Variants in ANK3 observed in about 807,000 individuals in gnomAD.
ANK3 encodes ankyrin 3.
A neutral mutation model predicts 370.9 loss-of-function variants in ANK3; 57 were observed. That is an observed-to-expected ratio of 0.15 (90% CI 0.12 to 0.19). ANK3 has a LOEUF of 0.19. Ranked by LOEUF, ANK3 falls within the 10% of genes least tolerant of loss-of-function variation. The pLI is 1.00. For missense variants in ANK3, 4,439 were observed against 5,302.1 expected (o/e 0.84, Z 5.06); for synonymous variants, 1,929 against 1,946.3 (o/e 0.99, Z 0.23).
chr10:60,289,256 T>G (rs1046790432), intron 1 of ANK3, among the ~76,000 whole-genome samples: 1 of 145,360 alleles, frequency 6.9e-6, no homozygotes, highest in Non-Finnish European at 1.5e-5. Context: ...TTTTCATCTA[T>G]GCCCTGCCTT....
At chr10:60,046,466 A>G (rs2076984896) in intron 42 of ANK3, among the ~76,000 whole-genome samples, 1 of 152,196 alleles carries the variant, frequency 6.6e-6, no homozygotes, top group African/African-American at 2.4e-5. Flanking sequence ...AAAAGATGTC[A>G]GTTAATTTTT....
intron 1 of ANK3, among the ~76,000 whole-genome samples, chr10:60,311,937 C>T (rs1477220496): frequency 6.6e-6 from 1 of 152,146 alleles, no homozygotes; most frequent in Non-Finnish European, 1.5e-5. Context: ...TAGTTTGTTT[C>T]CTACTTGCCT....
At chr10:60,157,792 A>G (rs1338227204) in intron 23 of ANK3, among the ~76,000 whole-genome samples, 1 of 151,824 alleles carries the variant, frequency 6.6e-6, no homozygotes, top group African/African-American at 2.4e-5. Flanking sequence ...AAAAGGAATG[A>G]TGCATACCTA....
chr10:60,381,528 C>T (rs1309085121), intron 1 of ANK3, among the ~76,000 whole-genome samples: 1 of 152,176 alleles, frequency 6.6e-6, no homozygotes, highest in Non-Finnish European at 1.5e-5. Flanking sequence ...CTTAGTAAAA[C>T]TTCATTCACT....
chr10:60,383,888 C>G (rs2061887278), intron 1 of ANK3, among the ~76,000 whole-genome samples: 1 of 151,396 alleles, frequency 6.6e-6, no homozygotes. Context: ...GCTTCAATAG[C>G]AAGAAATAAC....
chr10:60,141,561 GTTTT>G (rs36033791), intron 23 of ANK3, among the ~76,000 whole-genome samples: 5 of 49,032 alleles, frequency 1.0e-4, no homozygotes, highest in African/African-American at 1.9e-4. Context: ...TTCAATTGCT[GTTTT>G]TTTTTTTTTT....
intron 6 of ANK3, 57 bp downstream of exon 6, chr10:60,263,777 AG>A: frequency 6.3e-7 from 1 of 1,599,166 alleles, no homozygotes; most frequent in Non-Finnish European, 8.6e-7. Context: ...GTGCTCTTAA[AG>A]GTTGTGTGTC....
intron 1 of ANK3, among the ~76,000 whole-genome samples, chr10:60,628,745 A>T (rs764915136): frequency 5.0e-4 from 76 of 152,168 alleles, no homozygotes; most frequent in Non-Finnish European, 7.5e-4. Context: ...ACTCATGTTT[A>T]AAAAAAATCG....
At chr10:60,705,922 A>G (rs1036155585) in intron 1 of ANK3, among the ~76,000 whole-genome samples, 1 of 150,064 alleles carries the variant, frequency 6.7e-6, no homozygotes. Flanking sequence ...ACCCAGGCTC[A>G]GATGATCCTC....
intron 24 of ANK3, among the ~76,000 whole-genome samples, chr10:60,137,999 T>G (rs1213535412): frequency 6.6e-6 from 1 of 152,180 alleles, no homozygotes; most frequent in African/African-American, 2.4e-5. Context: ...CTTTAAGGCC[T>G]TTTATAAATG....
chr10:60,509,722 C>A (rs1335167542), intron 2 of ANK3, among the ~76,000 whole-genome samples: 1 of 152,086 alleles, frequency 6.6e-6, no homozygotes, highest in Non-Finnish European at 1.5e-5. Flanking sequence ...TCCCTTAGAA[C>A]AAACTATTAA....
intron 2 of ANK3, among the ~76,000 whole-genome samples, chr10:60,578,067 T>G (rs1484287466): frequency 6.6e-6 from 1 of 152,216 alleles, no homozygotes; most frequent in Non-Finnish European, 1.5e-5. Flanking sequence ...GACAGTATGG[T>G]TTTGATACAC....
At chr10:60,432,256 ATCTT>A (rs2064043697) in intron 2 of ANK3, among the ~76,000 whole-genome samples, 1 of 152,146 alleles carries the variant, frequency 6.6e-6, no homozygotes, top group Non-Finnish European at 1.5e-5. Context: ...AACCAGCTGG[ATCTT>A]TCTTTTCTTT....
At chr10:60,341,186 T>A (rs1409764952) in intron 1 of ANK3, among the ~76,000 whole-genome samples, 1 of 152,168 alleles carries the variant, frequency 6.6e-6, no homozygotes, top group East Asian at 1.9e-4. Context: ...TTGTTATTAC[T>A]AAGCATCTGG....
At chr10:60,440,039 G>A (rs2064260312) in intron 2 of ANK3, among the ~76,000 whole-genome samples, 1 of 152,148 alleles carries the variant, frequency 6.6e-6, no homozygotes, top group Non-Finnish European at 1.5e-5. Context: ...GTGCCCCCAG[G>A]AACCTTCCAT....
chr10:60,664,701 C>T (rs10509135), intron 1 of ANK3, among the ~76,000 whole-genome samples: 6,231 of 152,170 alleles, frequency 0.041, 162 homozygotes, highest in Middle Eastern at 0.075. Context: ...TAACAATGAC[C>T]TCCATTAAAT....
chr10:60,089,551 T>A (rs1211236028), intron 28 of ANK3, among the ~76,000 whole-genome samples: 1 of 151,732 alleles, frequency 6.6e-6, no homozygotes, highest in African/African-American at 2.4e-5. Flanking sequence ...ATAATTCTGG[T>A]GGGCTTCATT....
intron 2 of ANK3, among the ~76,000 whole-genome samples, chr10:60,462,121 A>G (rs1342702707): frequency 6.6e-6 from 1 of 152,186 alleles, no homozygotes. Flanking sequence ...GGCAGAAATC[A>G]GTGCTTTTCC....
chr10:60,708,765 C>T (rs1229150602), intron 1 of ANK3, among the ~76,000 whole-genome samples: 1 of 152,140 alleles, frequency 6.6e-6, no homozygotes, highest in African/African-American at 2.4e-5. Flanking sequence ...GAAGGCACAG[C>T]TCAGGAGTAC....
Sources: allele counts gnomAD v4.1 joint callset (sites outside exome capture counted in the v4.1 genomes callset), GRCh38; gene constraint gnomAD v4.1.1; transcripts MANE v1.5; gene names NCBI Gene and HGNC (gene_info 2026-07-23, HGNC 2026-07-21).